EYS: variants seen among roughly 807,000 people sequenced by gnomAD.
EYS encodes the protein protein eyes shut homolog.
Under a neutral mutation model 282.1 loss-of-function variants are expected in EYS, and 250 were observed. The observed-to-expected ratio is 0.89, with a 90% CI of 0.80 to 0.98. The LOEUF (loss-of-function observed/expected upper bound fraction) is 0.98. Ranked by LOEUF, EYS falls within the 50% of genes least tolerant of loss-of-function variation. EYS has a pLI of 0.00. For synonymous variants in EYS, 1,355 were observed against 1,282.9 expected (o/e 1.06, Z -1.20); for missense variants, 4,016 against 3,709.0 (o/e 1.08, Z -2.15).
chr6:64,575,603 T>C (rs937030083), intron 26 of EYS, among the ~76,000 whole-genome samples: 7 of 152,102 alleles, frequency 4.6e-5, no homozygotes, highest in Non-Finnish European at 8.8e-5. Flanking sequence ...GGCTAAAGTA[T>C]GGTCAGGTAC....
chr6:65,160,777 T>G (rs990648569), intron 12 of EYS, among the ~76,000 whole-genome samples: 24 of 151,124 alleles, frequency 1.6e-4, no homozygotes, highest in African/African-American at 5.6e-4. Flanking sequence ...GATTTGTATA[T>G]GTAAATTCCA....
At chr6:64,351,467 T>C (rs1771636344) in intron 29 of EYS, among the ~76,000 whole-genome samples, 2 of 151,474 alleles carry the variant, frequency 1.3e-5, no homozygotes, top group South Asian at 2.1e-4. Context: ...TATCTACTTG[T>C]ATCATATTTG....
chr6:64,776,275 G>T (rs1334183773), intron 22 of EYS, among the ~76,000 whole-genome samples: 1 of 151,864 alleles, frequency 6.6e-6, no homozygotes, highest in South Asian at 2.1e-4. Context: ...CTATTTCCCT[G>T]GCTTATGAAG....
intron 28 of EYS, among the ~76,000 whole-genome samples, chr6:64,410,973 C>T (rs1234643511): frequency 1.3e-5 from 2 of 152,026 alleles, no homozygotes; most frequent in Non-Finnish European, 2.9e-5. Flanking sequence ...TTGGTTTTAA[C>T]TACCAGCATA....
intron 33 of EYS, among the ~76,000 whole-genome samples, chr6:64,023,848 G>T (rs943374856): frequency 6.6e-6 from 1 of 152,226 alleles, no homozygotes; most frequent in Non-Finnish European, 1.5e-5. Flanking sequence ...GGTGGGCGTG[G>T]GCTCAGTGGG....
At chr6:64,220,469 T>A (rs1273314182) in intron 31 of EYS, among the ~76,000 whole-genome samples, 1 of 152,174 alleles carries the variant, frequency 6.6e-6, no homozygotes, top group Non-Finnish European at 1.5e-5. Context: ...CTGGCTGGCA[T>A]GGCATACTTT....
At chr6:64,490,766 G>C (rs994283807) in intron 26 of EYS, among the ~76,000 whole-genome samples, 1 of 150,654 alleles carries the variant, frequency 6.6e-6, no homozygotes, top group Non-Finnish European at 1.5e-5. Context: ...TAAAATGTTG[G>C]GAACTGAGAT....
intron 26 of EYS, among the ~76,000 whole-genome samples, chr6:64,471,297 C>G (rs1776115018): frequency 6.6e-6 from 1 of 152,032 alleles, no homozygotes; most frequent in South Asian, 2.1e-4. Flanking sequence ...AAGAGGAAGT[C>G]AAATTGTCTC....
chr6:63,962,443 G>A (rs1259938296), intron 35 of EYS, among the ~76,000 whole-genome samples: 1 of 152,028 alleles, frequency 6.6e-6, no homozygotes, highest in Non-Finnish European at 1.5e-5. Flanking sequence ...TCAAAAAGTG[G>A]GCAAAGGATA....
rs1044906962 is a variant in EYS, at chr6:65,687,980, T to A, written c.-448+19155A>T. Among the ~76,000 whole-genome samples the A allele has an allele frequency of 3.9e-5, 6 of 152,270 alleles. No homozygotes were observed. In the East Asian group the frequency reaches 9.7e-4, roughly 25 times the overall value. ...ATTCCATGCTCATGAGTAGGAAGAA[T>A]CAATATCGTGAAAATGGCCATATGG... On this transcript the variant is annotated intron_variant, in intron 1 of 42. Coordinates refer to ENST00000503581, the MANE Select transcript of EYS (RefSeq NM_001142800.2).
intron 26 of EYS, among the ~76,000 whole-genome samples, chr6:64,477,587 T>C (rs1011345442): frequency 3.3e-5 from 5 of 152,144 alleles, no homozygotes; most frequent in African/African-American, 1.2e-4. Flanking sequence ...GCCACCCTTT[T>C]ATTCACTGCT....
intron 31 of EYS, among the ~76,000 whole-genome samples, chr6:64,204,081 T>A (rs1308549316): frequency 6.6e-6 from 1 of 152,178 alleles, no homozygotes; most frequent in Non-Finnish European, 1.5e-5. Flanking sequence ...ATACCTGGCA[T>A]TAAATATTTA....
chr6:64,889,773 C>T (rs35804967), intron 18 of EYS, among the ~76,000 whole-genome samples: 1 of 151,818 alleles, frequency 6.6e-6, no homozygotes, highest in Non-Finnish European at 1.5e-5. Flanking sequence ...GCCTCAGGAC[C>T]TTGTGATAAT....
chr6:65,020,719 A>G (rs1329021724), intron 13 of EYS, among the ~76,000 whole-genome samples: 1 of 152,172 alleles, frequency 6.6e-6, no homozygotes, highest in Non-Finnish European at 1.5e-5. Flanking sequence ...GCACTGCCCT[A>G]GCAGATGTTC....
chr6:63,721,012 C>T lies in EYS; in HGVS notation c.9019G>A (p.Asp3007Asn). The T allele has an allele frequency of 1.3e-6, 2 of 1,551,210 alleles. No individual in the cohort carries two copies. Among genetic ancestry groups the T allele is most frequent in the Non-Finnish European group, 1.7e-6 (2 of 1,146,722 alleles). ...WMGIAQNEEN[D>N]FLAIGLHNQT... is the part of the protein sequence containing the mutation. ...TTATGGAGACCAATTGCCAGAAAAT[C>T]ATTTTCTTCATTTTGAGCTATTCCC... The change falls in exon 43 of 43, where the codon GAT (aspartate) becomes AAT (asparagine). Residue 3007 changes from aspartate (D) to asparagine (N), a missense_variant. Asp to Asn is a conservative substitution (Grantham distance 23). Transcript: ENST00000503581.
intron 8 of EYS, among the ~76,000 whole-genome samples, chr6:65,370,151 A>C: frequency 6.6e-6 from 1 of 151,170 alleles, no homozygotes; most frequent in African/African-American, 2.4e-5. Flanking sequence ...GAATACTAAT[A>C]TTTTGAGTGT....
At chr6:63,971,008 A>G (rs149911374) in intron 35 of EYS, among the ~76,000 whole-genome samples, 43 of 152,334 alleles carry the variant, frequency 2.8e-4, no homozygotes, top group Non-Finnish European at 5.0e-4. Flanking sequence ...GCTGGGTTGG[A>G]TATAAAAATG....
chr6:64,962,656 G>C (rs1174271333), intron 14 of EYS, among the ~76,000 whole-genome samples: 1 of 152,034 alleles, frequency 6.6e-6, no homozygotes, highest in African/African-American at 2.4e-5. Context: ...GCTGAGGCTT[G>C]AGGGACGCTT....
At chr6:64,611,652 A>T (rs1767119685) in intron 24 of EYS, among the ~76,000 whole-genome samples, 1 of 152,096 alleles carries the variant, frequency 6.6e-6, no homozygotes. Flanking sequence ...ATCAAATTTC[A>T]CCCGAATAAG....
Sources: gnomAD v4.1 joint callset for allele counts (sites outside exome capture counted in the v4.1 genomes callset) on GRCh38, gnomAD v4.1.1 for gene constraint, MANE v1.5 for transcripts, NCBI Gene and HGNC (gene_info 2026-07-23, HGNC 2026-07-21) for gene names.